EPN2: variants seen among roughly 807,000 people sequenced by gnomAD.
The protein encoded by EPN2 is epsin 2, also known as epsin-2.
Under a neutral mutation model 61.7 loss-of-function variants are expected in EPN2, and 34 were observed. The observed-to-expected ratio is 0.55, with a 90% CI of 0.42 to 0.73. EPN2 has a LOEUF of 0.73. Ranked by LOEUF, EPN2 falls within the 30% of genes least tolerant of loss-of-function variation. The pLI, the probability that EPN2 is intolerant of heterozygous loss-of-function variation, is 0.00. For missense variants in EPN2, 714 were observed against 839.2 expected, an observed-to-expected ratio of 0.85 and a Z score of 1.84; for synonymous variants, 349 against 353.6, an observed-to-expected ratio of 0.99 and a Z score of 0.15.
At chr17:19,267,056 G>T (rs1188785043) in intron 1 of EPN2, among the ~76,000 whole-genome samples, 1 of 150,558 alleles carries the variant, frequency 6.6e-6, no homozygotes, top group Non-Finnish European at 1.5e-5. Context: ...AGCCAGGATG[G>T]TCTCGATCTC....
chr17:19,317,506 AC>A lies in EPN2; in HGVS notation c.1147+4234del, dbSNP rs919675258. Among the ~76,000 whole-genome samples the A allele has an allele frequency of 4.0e-5, 6 of 149,168 alleles. No individual in the cohort carries two copies. In the East Asian group the frequency reaches 9.9e-4, roughly 24 times the overall value. ...CGGCTCAGTTCTTCTGTGACGCACC[AC>A]CCCCCCGCGTTGTGACTGCCTCCCT... On this transcript the variant is annotated intron_variant, in intron 7 of 10. Transcript: ENST00000314728.
chr17:19,268,608 TC>T, intron 1 of EPN2, among the ~76,000 whole-genome samples: 1 of 152,290 alleles, frequency 6.6e-6, no homozygotes. Context: ...AGTTTGTATA[TC>T]TTATGAATGA....
intron 7 of EPN2, among the ~76,000 whole-genome samples, chr17:19,317,536 C>T (rs945871504): frequency 1.3e-5 from 2 of 152,198 alleles, no homozygotes; most frequent in African/African-American, 4.8e-5. Flanking sequence ...CCTCCCTGTG[C>T]ACATGAATAT....
chr17:19,277,548 TG>T (rs2045320047), intron 1 of EPN2, among the ~76,000 whole-genome samples: 1 of 152,052 alleles, frequency 6.6e-6, no homozygotes, highest in Non-Finnish European at 1.5e-5. Context: ...GGCTGTCCTG[TG>T]GTTGAGGGGA....
intron 1 of EPN2, among the ~76,000 whole-genome samples, chr17:19,263,997 T>C (rs1302989660): frequency 2.0e-5 from 3 of 152,212 alleles, no homozygotes; most frequent in Non-Finnish European, 2.9e-5. Flanking sequence ...GGCACAAGTT[T>C]CTAAAGTAGA....
chr17:19,258,803 T>C (rs2045109704), intron 1 of EPN2, among the ~76,000 whole-genome samples: 1 of 152,168 alleles, frequency 6.6e-6, no homozygotes, highest in Non-Finnish European at 1.5e-5. Context: ...TGCCCACTGG[T>C]GTTAGGCCCA....
intron 4 of EPN2, among the ~76,000 whole-genome samples, chr17:19,303,005 G>A (rs559993213): frequency 1.3e-5 from 2 of 152,350 alleles, no homozygotes; most frequent in Admixed American, 6.5e-5. Flanking sequence ...AGAGACGGAA[G>A]CGCACTACAG....
At chr17:19,330,314 C>T (rs919786607) in intron 9 of EPN2, among the ~76,000 whole-genome samples, 3 of 152,068 alleles carry the variant, frequency 2.0e-5, no homozygotes, top group African/African-American at 7.2e-5. Flanking sequence ...TTTTTTCTTT[C>T]CTGTCTTGGC....
chr17:19,331,793 T>TAC, intron 9 of EPN2, 60 bp from the exon 10 acceptor site: 1 of 1,452,368 alleles, frequency 6.9e-7, no homozygotes, highest in Non-Finnish European at 9.7e-7. Flanking sequence ...TTGTGTTAAG[T>TAC]ACACAGTCTT....
intron 4 of EPN2, among the ~76,000 whole-genome samples, chr17:19,287,881 C>A (rs916409675): frequency 2.6e-5 from 4 of 152,118 alleles, no homozygotes; most frequent in African/African-American, 9.7e-5. Flanking sequence ...TCCCTGTGCC[C>A]CTCCCTCTCT....
At chr17:19,287,989 T>C (rs1000924274) in intron 4 of EPN2, among the ~76,000 whole-genome samples, 2 of 152,210 alleles carry the variant, frequency 1.3e-5, no homozygotes, top group Non-Finnish European at 2.9e-5. Context: ...TTCTGACCAA[T>C]TTCCTGCTGT....
intron 1 of EPN2, among the ~76,000 whole-genome samples, chr17:19,265,027 G>A (rs2045181657): frequency 6.6e-6 from 1 of 152,148 alleles, no homozygotes; most frequent in Non-Finnish European, 1.5e-5. Flanking sequence ...TGGAGCTGGG[G>A]ATGATAGGTT....
intron 4 of EPN2, among the ~76,000 whole-genome samples, chr17:19,293,422 TG>T (rs2045484359): frequency 6.8e-6 from 1 of 147,820 alleles, no homozygotes; most frequent in South Asian, 2.2e-4. Flanking sequence ...CAGGCTGGAG[TG>T]CAGTGGTGTG....
At chr17:19,273,509 T>C (rs2045276360) in intron 1 of EPN2, among the ~76,000 whole-genome samples, 1 of 152,178 alleles carries the variant, frequency 6.6e-6, no homozygotes, top group Non-Finnish European at 1.5e-5. Context: ...TTTTGGAGAC[T>C]GATAAATTTT....
chr17:19,258,413 C>T (rs145159379), intron 1 of EPN2, among the ~76,000 whole-genome samples: 6 of 152,292 alleles, frequency 3.9e-5, no homozygotes, highest in African/African-American at 1.4e-4. Context: ...ACTCTGCCTT[C>T]CTGGGTGAGA....
intron 9 of EPN2, 29 bp downstream of exon 9, chr17:19,329,676 ATCC>A (rs1325451394): frequency 7.4e-7 from 1 of 1,354,166 alleles, no homozygotes; most frequent in African/African-American, 1.4e-5. Flanking sequence ...GGTTTCCATA[ATCC>A]TCCGTGCATT....
At chr17:19,312,924 C>G (rs1484339811) in intron 6 of EPN2, 181 bp from the exon 7 acceptor site, 23 of 630,260 alleles carry the variant, frequency 3.6e-5, no homozygotes, top group Non-Finnish European at 5.8e-5. Flanking sequence ...CTTGTTGTGA[C>G]TGGAGAGCTG....
At chr17:19,298,560 G>T (rs1905311710) in intron 4 of EPN2, among the ~76,000 whole-genome samples, 1 of 152,148 alleles carries the variant, frequency 6.6e-6, no homozygotes, top group Non-Finnish European at 1.5e-5. Context: ...GGCTGGAGCG[G>T]TGTTGTGATT....
intron 1 of EPN2, among the ~76,000 whole-genome samples, chr17:19,279,066 AT>A (rs1183588711): frequency 6.6e-6 from 1 of 152,098 alleles, no homozygotes; most frequent in African/African-American, 2.4e-5. Context: ...GTATTTTATT[AT>A]TTTATTAGCT....
Sources: allele counts gnomAD v4.1 joint callset (sites outside exome capture counted in the v4.1 genomes callset), GRCh38; gene constraint gnomAD v4.1.1; transcripts MANE v1.5; gene names NCBI Gene and HGNC (gene_info 2026-07-23, HGNC 2026-07-21).